TLL1: variants seen among roughly 807,000 people sequenced by gnomAD.
TLL1 encodes tolloid like 1.
In TLL1, 49 loss-of-function variants were observed where a neutral mutation model predicts 128.2. The observed-to-expected ratio is 0.38, with a 90% CI of 0.30 to 0.48. The LOEUF (loss-of-function observed/expected upper bound fraction) is 0.48, where lower values mean the gene tolerates loss of function less well. Ranked by LOEUF, TLL1 falls within the 20% of genes least tolerant of loss-of-function variation. The pLI is 0.96. For synonymous variants in TLL1, 454 were observed against 418.8 expected, an observed-to-expected ratio of 1.08 and a Z score of -1.03; for missense variants, 1,123 against 1,242.0, an observed-to-expected ratio of 0.90 and a Z score of 1.44.
At chr4:166,028,773 T>C (rs1340438357) in intron 9 of TLL1, among the ~76,000 whole-genome samples, 2 of 152,002 alleles carry the variant, frequency 1.3e-5, no homozygotes, top group Non-Finnish European at 2.9e-5. Flanking sequence ...TTTCGTCTAT[T>C]ATTAATAAAG....
intron 6 of TLL1, among the ~76,000 whole-genome samples, chr4:166,005,557 A>C (rs1737383964): frequency 6.6e-6 from 1 of 151,580 alleles, no homozygotes; most frequent in Non-Finnish European, 1.5e-5. Flanking sequence ...GTTAGATATC[A>C]AAATAAGTTA....
intron 1 of TLL1, among the ~76,000 whole-genome samples, chr4:165,947,027 T>A (rs756174382): frequency 2.0e-5 from 3 of 152,110 alleles, no homozygotes; most frequent in Admixed American, 6.6e-5. Context: ...TATTACCTAG[T>A]GTATTTGTCA....
chr4:165,978,382 G>A (rs536458379), intron 1 of TLL1, among the ~76,000 whole-genome samples: 67 of 151,966 alleles, frequency 4.4e-4, no homozygotes, highest in African/African-American at 1.5e-3. Context: ...GGGGTCCAAA[G>A]CTTTTAATTA....
chr4:165,923,201 G>C (rs990644291), intron 1 of TLL1, among the ~76,000 whole-genome samples: 2 of 151,972 alleles, frequency 1.3e-5, no homozygotes, highest in African/African-American at 4.8e-5. Flanking sequence ...CTCTAAAAAT[G>C]ATGGTGCTTT....
intron 1 of TLL1, among the ~76,000 whole-genome samples, chr4:165,882,364 C>A (rs533789226): frequency 6.6e-6 from 1 of 152,094 alleles, no homozygotes; most frequent in Non-Finnish European, 1.5e-5. Context: ...TGTTTCCTAA[C>A]AAGTGGTAGA....
Position 165,952,944 on chromosome 4 carries a change from G to T in TLL1, c.170-36437G>T, listed in dbSNP as rs114001828. Among the ~76,000 whole-genome samples the T allele has an allele frequency of 4.0e-3, 612 of 152,162 alleles. 5 individuals carry two copies. The highest frequency in any genetic ancestry group is 0.014 in the African/African-American group (577 of 41,554). On this transcript the variant is annotated intron_variant, in intron 1 of 20. Coordinates refer to ENST00000061240, the MANE Select transcript of TLL1 (RefSeq NM_012464.5). ...ATAGATTTCATTGCTGACATTTTTT[G>T]CTTCAATTTCCAACGTCACTTGTGT...
At chr4:166,076,114 C>T (rs935506306) in intron 17 of TLL1, among the ~76,000 whole-genome samples, 4 of 151,992 alleles carry the variant, frequency 2.6e-5, no homozygotes, top group East Asian at 1.9e-4. Context: ...CCTCTGTCAC[C>T]GAGGCTGGAA....
At chr4:165,875,928 G>A (rs1361985282) in intron 1 of TLL1, among the ~76,000 whole-genome samples, 1 of 151,916 alleles carries the variant, frequency 6.6e-6, no homozygotes, top group Non-Finnish European at 1.5e-5. Flanking sequence ...AACTTTAATA[G>A]CATTTACTTT....
rs35799879 is a variant in TLL1 at position 166,031,363 on chromosome 4, C to CTTTT, written c.1158+5952_1158+5955dup. 1.4e-3 allele frequency among the ~76,000 whole-genome samples: 146 copies of CTTTT among 102,274 alleles called. 6 individuals carry two copies. Among genetic ancestry groups the CTTTT allele is most frequent in the African/African-American group, 4.3e-3 (112 of 26,294 alleles). The allele number at this position is 102,274 out of a possible 152,430, so 67.1% of individuals were successfully genotyped here. The stretch of plus-strand genomic sequence containing the variant: ...TTATAAATTATGGCGATTGCAAGGT[C>CTTTT]TTTTTTTTTTTTTTTTTTTTTTTGA... On this transcript the variant is annotated intron_variant, in intron 9 of 20. Transcript: ENST00000061240.
In TLL1 at chr4:166,091,171, A is replaced by C. The variant is rs753280483; in HGVS notation, c.2486A>C (p.Tyr829Ser). The C allele has an allele frequency of 3.2e-5, 52 of 1,613,074 alleles. No homozygotes were observed. The highest frequency in any genetic ancestry group is 4.2e-5 in the Non-Finnish European group (50 of 1,179,478). Reference protein sequence around the residue: ...FEIEQHQECAYDHLEVFDGET... With the variant: ...FEIEQHQECASDHLEVFDGET... ...ATTGAGCAGCATCAAGAATGTGCTT[A>C]TGACCACTTAGAAGTATTTGATGGA... The change falls in exon 19 of 21, where the codon TAT (tyrosine) becomes TCT (serine). Residue 829 changes from tyrosine (Y) to serine (S), a missense_variant. By Grantham distance (144) the Tyr-to-Ser change is moderately radical (BLOSUM62 -2). Transcript: ENST00000061240.
intron 1 of TLL1, among the ~76,000 whole-genome samples, chr4:165,953,845 G>A (rs893342954): frequency 6.6e-6 from 1 of 151,974 alleles, no homozygotes; most frequent in Non-Finnish European, 1.5e-5. Flanking sequence ...AATTACATTG[G>A]AAACGTAAGG....
intron 18 of TLL1, among the ~76,000 whole-genome samples, chr4:166,089,448 T>A (rs1235188182): frequency 6.6e-6 from 1 of 152,098 alleles, no homozygotes; most frequent in African/African-American, 2.4e-5. Flanking sequence ...CATTGACAGG[T>A]TTATGCAAAC....
intron 7 of TLL1, among the ~76,000 whole-genome samples, chr4:166,013,220 T>C (rs867773039): frequency 6.6e-6 from 1 of 151,964 alleles, no homozygotes; most frequent in Middle Eastern, 3.4e-3. Context: ...ATATCCATCT[T>C]CTCACCTTTA....
chr4:165,906,968 A>C (rs1004410831), intron 1 of TLL1, among the ~76,000 whole-genome samples: 4 of 152,018 alleles, frequency 2.6e-5, no homozygotes, highest in Middle Eastern at 6.8e-3. Flanking sequence ...ATTGTAATAG[A>C]GAAATCAGTC....
intron 1 of TLL1, among the ~76,000 whole-genome samples, chr4:165,901,810 C>G (rs1246477650): frequency 6.6e-6 from 1 of 152,186 alleles, no homozygotes; most frequent in African/African-American, 2.4e-5. Context: ...AGCTGGCAGG[C>G]AGGAACATTT....
chr4:166,093,606 T>G (rs1741882082), intron 19 of TLL1, among the ~76,000 whole-genome samples: 1 of 152,140 alleles, frequency 6.6e-6, no homozygotes, highest in Admixed American at 6.5e-5. Context: ...GCAAGAGGCT[T>G]TCCTCTTTTA....
chr4:166,060,261 A>T (rs1044655620), intron 15 of TLL1, 73 bp downstream of exon 15: 7 of 1,498,060 alleles, frequency 4.7e-6, no homozygotes, highest in Admixed American at 3.5e-5. Flanking sequence ...GAAATTAAAA[A>T]AAAAAAAGAT....
intron 20 of TLL1, among the ~76,000 whole-genome samples, 200 bp downstream of exon 20, chr4:166,099,727 A>G (rs1361612666): frequency 6.6e-6 from 1 of 152,016 alleles, no homozygotes; most frequent in African/African-American, 2.4e-5. Flanking sequence ...ATTTGCCTGA[A>G]TAATATCAGG....
intron 1 of TLL1, among the ~76,000 whole-genome samples, chr4:165,922,130 G>T (rs1255732362): frequency 2.0e-5 from 3 of 152,130 alleles, no homozygotes; most frequent in Admixed American, 6.5e-5. Context: ...GTGCTCCCCA[G>T]TTGACCTATG....
Sources: gnomAD v4.1 joint callset for allele counts (sites outside exome capture counted in the v4.1 genomes callset) on GRCh38, gnomAD v4.1.1 for gene constraint, MANE v1.5 for transcripts, NCBI Gene and HGNC (gene_info 2026-07-23, HGNC 2026-07-21) for gene names.